Variants in NRG2 observed in about 807,000 individuals in gnomAD.
NRG2 encodes the protein neuregulin 2.
A neutral mutation model predicts 73.9 loss-of-function variants in NRG2; 27 were observed. That is an observed-to-expected ratio of 0.37 (90% confidence interval 0.27 to 0.50). NRG2 has a LOEUF of 0.50. Among genes scored for constraint, NRG2 ranks in the 20% least tolerant of loss-of-function variants. The pLI, the probability that NRG2 is intolerant of heterozygous loss-of-function variation, is 0.96. For synonymous variants in NRG2, 532 were observed against 541.0 expected, an observed-to-expected ratio of 0.98 and a Z score of 0.23; for missense variants, 1,126 against 1,210.1, an observed-to-expected ratio of 0.93 and a Z score of 1.03.
intron 1 of NRG2, among the ~76,000 whole-genome samples, chr5:139,913,964 G>A (rs958636824): frequency 6.6e-6 from 1 of 151,992 alleles, no homozygotes; most frequent in Non-Finnish European, 1.5e-5. Context: ...ATCAGCCTGG[G>A]CAGCATGGTG....
intron 5 of NRG2, among the ~76,000 whole-genome samples, chr5:139,859,517 C>A (rs1762006390): frequency 6.6e-6 from 1 of 152,212 alleles, no homozygotes; most frequent in Admixed American, 6.5e-5. Context: ...GGACACCAGC[C>A]CTTCAAGGGG....
chr5:139,986,138 A>G (rs1048825044), intron 1 of NRG2, among the ~76,000 whole-genome samples: 2 of 152,194 alleles, frequency 1.3e-5, no homozygotes, highest in South Asian at 2.1e-4. Context: ...TGCATCTCCA[A>G]AATGCTCAGG....
intron 1 of NRG2, among the ~76,000 whole-genome samples, chr5:140,041,429 T>A (rs553411825): frequency 4.7e-4 from 71 of 152,290 alleles, no homozygotes; most frequent in African/African-American, 1.7e-3. Context: ...AGACTGACAT[T>A]TCTTTGACTT....
At chr5:139,994,989 C>T (rs370450193) in intron 1 of NRG2, among the ~76,000 whole-genome samples, 17 of 152,176 alleles carry the variant, frequency 1.1e-4, no homozygotes, top group African/African-American at 4.1e-4. Context: ...GGAGGCCAGG[C>T]TGAGGAGTCT....
intron 1 of NRG2, among the ~76,000 whole-genome samples, chr5:139,952,927 C>T (rs984805947): frequency 6.6e-6 from 1 of 152,162 alleles, no homozygotes; most frequent in African/African-American, 2.4e-5. Flanking sequence ...GCAAGCTCCC[C>T]TGGGTGGGGG....
intron 1 of NRG2, among the ~76,000 whole-genome samples, chr5:139,993,440 G>A (rs998115995): frequency 6.6e-6 from 1 of 152,094 alleles, no homozygotes; most frequent in Non-Finnish European, 1.5e-5. Flanking sequence ...CTCTCTTCCT[G>A]GAATGCTTTT....
Position 139,848,118 on chromosome 5 carries a change from CG to C in NRG2, c.2351del (p.Ala784GlyfsTer83). 1 of 1,471,470 alleles carries C rather than the reference CG, an allele frequency of 6.8e-7. No individual in the cohort carries two copies. 91.2% of individuals were successfully genotyped at this position (1,471,470 alleles called of 1,614,324 possible). ...TGCTCTCGGCCGCCAGCGCCCCGTCCGCGTCGTCCGCGTCGTCGTCCGACGC... is the reference window on the plus strand; with the variant it reads ...TGCTCTCGGCCGCCAGCGCCCCGTCCCGTCGTCCGCGTCGTCGTCCGACGC... ...ASASDDDADD[A>X]DGALAAESTP... On this transcript the variant is annotated frameshift_variant, in exon 10 of 10. Transcript: ENST00000361474. LOFTEE classifies it high-confidence loss of function.
chr5:139,910,556 G>A (rs181711668), intron 1 of NRG2, among the ~76,000 whole-genome samples: 2 of 152,338 alleles, frequency 1.3e-5, no homozygotes, highest in Admixed American at 6.5e-5. Context: ...GGATTTCAGA[G>A]TGGATGAGGA....
intron 1 of NRG2, among the ~76,000 whole-genome samples, chr5:139,997,997 G>A (rs1194044944): frequency 2.6e-5 from 4 of 152,218 alleles, no homozygotes; most frequent in Admixed American, 2.6e-4. Flanking sequence ...GGGGTACGTG[G>A]GGCCTGGGTC....
chr5:139,879,861 G>T (rs1324807535), intron 3 of NRG2, among the ~76,000 whole-genome samples: 1 of 152,198 alleles, frequency 6.6e-6, no homozygotes, highest in Non-Finnish European at 1.5e-5. Context: ...AGCACAAGGG[G>T]CTGGGAGGAC....
intron 1 of NRG2, among the ~76,000 whole-genome samples, chr5:139,990,636 T>G (rs1366790153): frequency 2.0e-5 from 3 of 152,188 alleles, no homozygotes; most frequent in African/African-American, 7.2e-5. Flanking sequence ...GATCCTATGA[T>G]TCTAACTTCT....
intron 1 of NRG2, among the ~76,000 whole-genome samples, chr5:139,889,988 C>T (rs534791518): frequency 2.0e-5 from 3 of 152,298 alleles, no homozygotes; most frequent in East Asian, 3.9e-4. Context: ...TTTCCTAAGG[C>T]GATCTTCCTA....
chr5:139,917,496 C>A (rs748053703), intron 1 of NRG2, among the ~76,000 whole-genome samples: 1 of 152,146 alleles, frequency 6.6e-6, no homozygotes, highest in Non-Finnish European at 1.5e-5. Flanking sequence ...TAGTAATCTG[C>A]CCACCTCAGC....
intron 3 of NRG2, among the ~76,000 whole-genome samples, chr5:139,872,607 G>C (rs974162290): frequency 6.6e-6 from 1 of 152,124 alleles, no homozygotes. Context: ...CATAAATCAC[G>C]GGTTTCAAGT....
Position 139,852,382 on chromosome 5 carries a change from A to T in NRG2, c.1544+50T>A, listed in dbSNP as rs1761500129. 1 of 1,591,906 alleles carries T rather than the reference A, an allele frequency of 6.3e-7. No homozygotes were observed. Among genetic ancestry groups the T allele is most frequent in the South Asian group, 1.1e-5 (1 of 87,144 alleles). On this transcript the variant is annotated intron_variant, in intron 8 of 9. Coordinates refer to ENST00000361474, the MANE Select transcript of NRG2 (RefSeq NM_004883.3). The surrounding 1 kb of genome is among the most constrained non-coding windows in gnomAD (Gnocchi z 4.4). ...TCGGAGTAAGTGGGCACTTTGCGCC[A>T]GATGAAGTATGTGAGTCTACAAGTT...
chr5:139,945,487 C>T (rs534758364), intron 1 of NRG2, among the ~76,000 whole-genome samples: 1 of 152,190 alleles, frequency 6.6e-6, no homozygotes, highest in African/African-American at 2.4e-5. Context: ...TTCTGGTTCT[C>T]TGTTCTGTTC....
intron 1 of NRG2, among the ~76,000 whole-genome samples, chr5:139,991,428 G>C (rs189084429): frequency 5.3e-5 from 8 of 151,964 alleles, no homozygotes; most frequent in Admixed American, 5.2e-4. Flanking sequence ...TAAGTTATGG[G>C]GTGTTTTTTA....
At chr5:139,862,377 G>A (rs1278846891) in intron 5 of NRG2, among the ~76,000 whole-genome samples, 1 of 152,148 alleles carries the variant, frequency 6.6e-6, no homozygotes, top group Non-Finnish European at 1.5e-5. Flanking sequence ...GAACATGAGG[G>A]GCCTATGGCT....
At chr5:139,930,271 G>A (rs1257182611) in intron 1 of NRG2, among the ~76,000 whole-genome samples, 1 of 152,216 alleles carries the variant, frequency 6.6e-6, no homozygotes, top group Non-Finnish European at 1.5e-5. Flanking sequence ...AGTTAAAAGA[G>A]AAGTCTTCTC....
Sources: allele counts gnomAD v4.1 joint callset (sites outside exome capture counted in the v4.1 genomes callset), GRCh38; gene constraint gnomAD v4.1.1; non-coding constraint Gnocchi (gnomAD v3.1); transcripts MANE v1.5; gene names NCBI Gene and HGNC (gene_info 2026-07-23, HGNC 2026-07-21).